TMIGD3: variants seen among roughly 807,000 people sequenced by gnomAD.
TMIGD3 encodes transmembrane and immunoglobulin domain containing 3.
Under a neutral mutation model 28.1 loss-of-function variants are expected in TMIGD3, and 21 were observed. The ratio of observed to expected loss-of-function variants is 0.75; its 90% CI spans 0.53 to 1.08. The LOEUF is 1.08. TMIGD3 is among the 50% of genes least tolerant of loss of function. The pLI is 0.00. For missense variants in TMIGD3, 416 were observed against 435.6 expected, an observed-to-expected ratio of 0.96 and a Z score of 0.40; for synonymous variants, 151 against 162.1, an observed-to-expected ratio of 0.93 and a Z score of 0.52.
chr1:111,561,918 C>A (rs999876894), intron 1 of TMIGD3, among the ~76,000 whole-genome samples: 1 of 151,638 alleles, frequency 6.6e-6, no homozygotes, highest in South Asian at 2.1e-4. Context: ...TCCTCCTTGC[C>A]CCTGGCCTCT....
At chr1:111,545,533 A>C (rs912194575) in intron 1 of TMIGD3, among the ~76,000 whole-genome samples, 1 of 152,098 alleles carries the variant, frequency 6.6e-6, no homozygotes, top group African/African-American at 2.4e-5. Flanking sequence ...GACTATTATC[A>C]GATATATGAT....
In TMIGD3 at chr1:111,503,530, C is replaced by A; in HGVS notation, c.-176G>T. On this transcript the variant is annotated 5_prime_UTR_variant, in exon 1 of 6. It adds an upstream start codon to the 5' untranslated region. Coordinates refer to ENST00000369716, the MANE Select transcript of TMIGD3 (RefSeq NM_020683.7). Reference sequence around the variant, plus strand: ...CTGGTGGGGTGATCTCTTGGAAACCCTTCTCCTTAGAAAGGGCTCATCACA... The same window carrying A: ...CTGGTGGGGTGATCTCTTGGAAACCATTCTCCTTAGAAAGGGCTCATCACA... 7.0e-7 allele frequency: 1 copy of A among 1,424,150 alleles called. No homozygotes were observed. The highest frequency in any genetic ancestry group is 9.2e-7 in the Non-Finnish European group (1 of 1,092,108). 88.2% of individuals were successfully genotyped at this position (1,424,150 alleles called of 1,614,324 possible).
intron 1 of TMIGD3, among the ~76,000 whole-genome samples, chr1:111,529,136 TAA>T (rs928400495): frequency 6.6e-6 from 1 of 151,682 alleles, no homozygotes; most frequent in African/African-American, 2.4e-5. Context: ...TGAAAAACCA[TAA>T]AGTTTTTATT....
chr1:111,545,321 G>A (rs970758202), intron 1 of TMIGD3, among the ~76,000 whole-genome samples: 1 of 152,062 alleles, frequency 6.6e-6, no homozygotes, highest in African/African-American at 2.4e-5. Context: ...CATCCTGGTG[G>A]ATGTGAAGTG....
At position 111,486,583 on chromosome 1, in the gene TMIGD3, C is replaced by T. The variant is rs1654386461; in HGVS notation, c.872+3G>A. 2 of 1,609,524 alleles carry T rather than the reference C, an allele frequency of 1.2e-6. No homozygotes were observed. Among genetic ancestry groups the T allele is most frequent in the Non-Finnish European group, 1.7e-6 (2 of 1,177,164 alleles). On this transcript the variant is annotated splice_donor_region_variant and intron_variant, in intron 4 of 5. Coordinates refer to ENST00000369716, the MANE Select transcript of TMIGD3 (RefSeq NM_020683.7). The stretch of plus-strand genomic sequence containing the variant: ...CCATTCATCCGCCAAGACTATGACT[C>T]ACCTGGAGCGGTCAGCCTTGCGGAC...
chr1:111,525,551 T>G (rs1236154754), intron 1 of TMIGD3, among the ~76,000 whole-genome samples: 1 of 152,156 alleles, frequency 6.6e-6, no homozygotes, highest in Non-Finnish European at 1.5e-5. Context: ...TTTATCCCAT[T>G]TGTGTCTTTA....
rs199587667 is a variant in TMIGD3 at position 111,502,993 on chromosome 1, G to A, written c.350+12C>T. 54 of 1,610,614 alleles carry A rather than the reference G, an allele frequency of 3.4e-5. No individual in the cohort carries two copies. Among genetic ancestry groups the A allele is most frequent in the Non-Finnish European group, 4.2e-5 (50 of 1,177,416 alleles). On this transcript the variant is annotated intron_variant, in intron 1 of 5. Coordinates refer to ENST00000369716, the MANE Select transcript of TMIGD3 (RefSeq NM_020683.7). The stretch of plus-strand genomic sequence containing the variant: ...CTGCCTCAATTGCTGCCCACCCCAC[G>A]CCGCAGGCTACCTGACGGTAAGCTT...
chr1:111,490,655 C>G lies in TMIGD3; in HGVS notation c.457+1G>C. 1.9e-6 allele frequency: 3 copies of G among 1,609,786 alleles called. No homozygotes were observed. The highest frequency in any genetic ancestry group is 1.1e-5 in the South Asian group (1 of 90,972). On this transcript the variant is annotated splice_donor_variant, in intron 2 of 5. Transcript: ENST00000369716. LOFTEE classifies it high-confidence loss of function. ...TGGAGCTGTTCCGTCCCCCATCCTACCTGAAATGAGAGCCAAGGAGAGTAG... is the reference window on the plus strand; with the variant it reads ...TGGAGCTGTTCCGTCCCCCATCCTAGCTGAAATGAGAGCCAAGGAGAGTAG...
At chr1:111,488,279 G>C (rs538502644) in intron 3 of TMIGD3, among the ~76,000 whole-genome samples, 1 of 151,898 alleles carries the variant, frequency 6.6e-6, no homozygotes, top group South Asian at 2.1e-4. Flanking sequence ...CAGGAGTGCA[G>C]TGGCGCAATC....
chr1:111,493,807 A>T (rs1241811827), intron 1 of TMIGD3, among the ~76,000 whole-genome samples: 1 of 152,208 alleles, frequency 6.6e-6, no homozygotes, highest in East Asian at 1.9e-4. Flanking sequence ...GAAAACAAAC[A>T]TTGTGCTGCT....
intron 1 of TMIGD3, among the ~76,000 whole-genome samples, chr1:111,541,828 C>T (rs1440204492): frequency 6.6e-6 from 1 of 152,088 alleles, no homozygotes; most frequent in Non-Finnish European, 1.5e-5. Context: ...GTAGCATCGC[C>T]AAGATCAAGG....
intron 1 of TMIGD3, among the ~76,000 whole-genome samples, chr1:111,556,756 G>A (rs1034593915): frequency 1.3e-5 from 2 of 152,098 alleles, no homozygotes; most frequent in South Asian, 2.1e-4. Context: ...TGGATAGTTA[G>A]TGTTTAATGG....
upstream of TMIGD3, among the ~76,000 whole-genome samples, chr1:111,505,507 A>C (rs1444737583): frequency 6.6e-6 from 1 of 152,210 alleles, no homozygotes; most frequent in East Asian, 1.9e-4. Context: ...AAGGTCCATC[A>C]GTGCTGGGTG....
chr1:111,512,302 G>A (rs879172811), intron 1 of TMIGD3, among the ~76,000 whole-genome samples: 2 of 152,246 alleles, frequency 1.3e-5, no homozygotes, highest in Admixed American at 6.5e-5. Context: ...ACAGCCACCT[G>A]TGCGTCCAGC....
chr1:111,497,332 G>A (rs187606999), intron 1 of TMIGD3, among the ~76,000 whole-genome samples: 43 of 151,992 alleles, frequency 2.8e-4, no homozygotes, highest in Admixed American at 2.5e-3. Flanking sequence ...GGATGGTCTC[G>A]ATCTCCTGAC....
At position 111,503,073 on chromosome 1, in the gene TMIGD3, G is replaced by C. The variant is rs760933342; in HGVS notation, c.282C>G (p.Thr94=). The change falls in exon 1 of 6, where the codon ACC becomes ACG. Residue 94 remains threonine (T), a synonymous_variant. Coordinates refer to ENST00000369716, the MANE Select transcript of TMIGD3 (RefSeq NM_020683.7). ...LFMTCLLLIF[T]HASIMSLLAI... Reference sequence around the variant, plus strand: ...CCAGCAAGGACATGATGGAGGCGTGGGTAAAGATAAGCAGTAGGCAAGTCA... The same window carrying C: ...CCAGCAAGGACATGATGGAGGCGTGCGTAAAGATAAGCAGTAGGCAAGTCA... 5.6e-6 allele frequency: 9 copies of C among 1,614,178 alleles called. No homozygotes were observed. The highest frequency in any genetic ancestry group is 7.6e-6 in the Non-Finnish European group (9 of 1,180,032).
Position 111,489,635 on chromosome 1 carries a change from G to A in TMIGD3, c.458-611C>T, listed in dbSNP as rs937250851. ...ATATGGAGGCCTCCTACCATTGCTT[G>A]ACGGAGGGCCTTGAAGAGCCTGAGG... On this transcript the variant is annotated intron_variant, in intron 2 of 5. Coordinates refer to ENST00000369716, the MANE Select transcript of TMIGD3 (RefSeq NM_020683.7). 5 of 1,138,552 alleles carry A rather than the reference G, an allele frequency of 4.4e-6. No homozygotes were observed. In the African/African-American group the frequency reaches 8.5e-5, roughly 19 times the overall value. 70.5% of individuals were successfully genotyped at this position (1,138,552 alleles called of 1,614,324 possible). A position where few individuals can be genotyped will look rare whatever the true frequency, so the allele number is the denominator to read the frequency against.
chr1:111,507,349 T>A (rs528534628), upstream of TMIGD3, among the ~76,000 whole-genome samples: 94 of 152,214 alleles, frequency 6.2e-4, no homozygotes, highest in African/African-American at 2.1e-3. Context: ...ACCATTGGCT[T>A]AAATCACAGG....
intron 1 of TMIGD3, among the ~76,000 whole-genome samples, chr1:111,555,717 G>T (rs999333013): frequency 6.6e-6 from 1 of 152,046 alleles, no homozygotes; most frequent in East Asian, 1.9e-4. Flanking sequence ...AATAACAAAA[G>T]AATAAAGTTG....
Sources: gnomAD v4.1 joint callset for allele counts (sites outside exome capture counted in the v4.1 genomes callset) on GRCh38, gnomAD v4.1.1 for gene constraint, MANE v1.5 for transcripts, NCBI Gene and HGNC (gene_info 2026-07-23, HGNC 2026-07-21) for gene names.